The following ZNF362 variants were observed in gnomAD, a reference collection of about 807,000 sequenced individuals.
ZNF362 encodes the protein rotund homolog.
In ZNF362, 11 loss-of-function variants were observed where a neutral mutation model predicts 42.9. The observed-to-expected ratio is 0.26, with a 90% CI of 0.16 to 0.42. ZNF362 has a LOEUF of 0.42. Among genes scored for constraint, ZNF362 ranks in the 20% least tolerant of loss-of-function variants. The pLI, the probability that ZNF362 is intolerant of heterozygous loss-of-function variation, is 1.00. For synonymous variants in ZNF362, 255 were observed against 257.3 expected (o/e 0.99, Z 0.09); for missense variants, 362 against 576.2 (o/e 0.63, Z 3.81).
At chr1:33,186,805 CAAAA>C in the ZNF362 span, among the ~76,000 whole-genome samples, 1 of 434 alleles carries the variant, frequency 2.3e-3, no homozygotes, top group African/African-American at 4.5e-3. Flanking sequence ...GACTCCGTCT[CAAAA>C]AAAAAAAAAA....
At chr1:33,203,522 A>G in the ZNF362 span, among the ~76,000 whole-genome samples, 1 of 152,114 alleles carries the variant, frequency 6.6e-6, no homozygotes, top group Non-Finnish European at 1.5e-5. Context: ...TAGTACTTCT[A>G]TTTTTAATTT....
the ZNF362 span, chr1:33,145,786 C>T: frequency 4.4e-6 from 2 of 458,464 alleles, no homozygotes; most frequent in African/African-American, 2.0e-5. Context: ...CCACCCTCTC[C>T]CGAGTTCTTC....
chr1:33,193,880 C>T, the ZNF362 span, among the ~76,000 whole-genome samples: 2 of 152,152 alleles, frequency 1.3e-5, no homozygotes, highest in Admixed American at 1.3e-4. Context: ...GTACTAACAG[C>T]TTGAGGTAGT....
At chr1:33,295,083 C>T in intron 7 of ZNF362, 64 bp from the exon 8 acceptor site, 20 of 1,611,962 alleles carry the variant, frequency 1.2e-5, no homozygotes, top group Non-Finnish European at 1.7e-5. Context: ...CACAAGGAAG[C>T]GTAGGAAGGG....
chr1:33,134,364 G>T, the ZNF362 span, among the ~76,000 whole-genome samples: 67 of 152,380 alleles, frequency 4.4e-4, 1 homozygote, highest in African/African-American at 1.6e-3. Flanking sequence ...GCAGGGCCAA[G>T]AATTAAGTGC....
chr1:33,258,534 A>C (rs1379994877), intron 1 of ZNF362, among the ~76,000 whole-genome samples: 2 of 152,106 alleles, frequency 1.3e-5, no homozygotes, highest in Non-Finnish European at 2.9e-5. Context: ...GGAGGAACTG[A>C]GGTCCAGAGA....
chr1:33,221,707 T>A, the ZNF362 span, among the ~76,000 whole-genome samples: 1 of 152,178 alleles, frequency 6.6e-6, no homozygotes, highest in South Asian at 2.1e-4. Flanking sequence ...GACAATTCAT[T>A]TTTCATTTCA....
At chr1:33,221,103 C>T in the ZNF362 span, among the ~76,000 whole-genome samples, 875 of 152,250 alleles carry the variant, frequency 5.7e-3, 9 homozygotes, top group African/African-American at 0.019. Flanking sequence ...GGCGGGGTGC[C>T]GACCATCAGC....
At chr1:33,189,672 T>TATATATAC in the ZNF362 span, among the ~76,000 whole-genome samples, 1 of 10,412 alleles carries the variant, frequency 9.6e-5, no homozygotes, top group Non-Finnish European at 3.1e-4. Context: ...TATATATATA[T>TATATATAC]GTATATATAT....
chr1:33,294,976 T>C lies in ZNF362; in HGVS notation c.948T>C (p.Pro316=), dbSNP rs1275797925. 1 of 1,614,002 alleles carries C rather than the reference T, an allele frequency of 6.2e-7. No homozygotes were observed. The highest frequency in any genetic ancestry group is 8.5e-7 in the Non-Finnish European group (1 of 1,179,996). The change falls in exon 7 of 9, where the codon CCT becomes CCC. Residue 316 remains proline, a synonymous_variant. Transcript: ENST00000539719. This position sits in a 1 kb window ranked among gnomAD's most constrained non-coding sequence, Gnocchi z 4.2. The part of the protein sequence containing the change: ...TGDRPYKCPH[P]GCEKAFTQLS... ...ACAGACCCTACAAGTGCCCACATCC[T>C]GGCTGCGAGAAGGCTTTCACTCAGC...
chr1:33,158,477 T>C, the ZNF362 span: 1 of 802,232 alleles, frequency 1.2e-6, no homozygotes, highest in Non-Finnish European at 2.1e-6. Flanking sequence ...TGGTCATGAG[T>C]GAGAAGTCTG....
chr1:33,245,051 T>C, the ZNF362 span, among the ~76,000 whole-genome samples: 12 of 152,282 alleles, frequency 7.9e-5, no homozygotes, highest in South Asian at 2.1e-3. Context: ...CCAGGACTCC[T>C]GGGAATTTGA....
the ZNF362 span, chr1:33,165,380 A>AGGCCCCGCCCCTCTTCCCCAGCT: frequency 8.2e-7 from 1 of 1,216,980 alleles, no homozygotes; most frequent in Non-Finnish European, 1.1e-6. This position sits in a 1 kb window ranked among gnomAD's most constrained non-coding sequence, Gnocchi z 4.0. Context: ...CGCACACCCG[A>AGGCCCCGCCCCTCTTCCCCAGCT]GGCCCCGCCC....
the ZNF362 span, among the ~76,000 whole-genome samples, chr1:33,133,522 C>T: frequency 6.6e-6 from 1 of 152,194 alleles, no homozygotes. Flanking sequence ...GCACGTTTTC[C>T]ATTTATACAG....
At chr1:33,205,135 T>TTGTG in the ZNF362 span, among the ~76,000 whole-genome samples, 12 of 151,134 alleles carry the variant, frequency 7.9e-5, no homozygotes, top group Admixed American at 3.3e-4. Context: ...CTGTGTGTTT[T>TTGTG]TGTGTGTGTG....
At chr1:33,265,188 A>G (rs1347494137) in intron 1 of ZNF362, among the ~76,000 whole-genome samples, 2 of 151,812 alleles carry the variant, frequency 1.3e-5, no homozygotes, top group Non-Finnish European at 2.9e-5. Context: ...CCTGTAGAAC[A>G]TTCTCTCAGA....
the ZNF362 span, among the ~76,000 whole-genome samples, chr1:33,157,342 G>A: frequency 1.3e-5 from 2 of 152,060 alleles, no homozygotes; most frequent in Non-Finnish European, 2.9e-5. Context: ...TGCACTTGCT[G>A]TCCCCATGCC....
chr1:33,224,524 T>C, the ZNF362 span, among the ~76,000 whole-genome samples: 1 of 152,298 alleles, frequency 6.6e-6, no homozygotes, highest in South Asian at 2.1e-4. Context: ...GGATCTATAA[T>C]TGCAAGAGAT....
intron 6 of ZNF362, among the ~76,000 whole-genome samples, chr1:33,290,157 C>T (rs1242259066): frequency 6.6e-6 from 1 of 152,088 alleles, no homozygotes; most frequent in African/African-American, 2.4e-5. Flanking sequence ...AGGTTTGTTA[C>T]ATATGTATAC....
Sources: gnomAD v4.1 joint callset for allele counts (sites outside exome capture counted in the v4.1 genomes callset) on GRCh38, gnomAD v4.1.1 for gene constraint, Gnocchi (gnomAD v3.1) non-coding constraint, MANE v1.5 for transcripts, NCBI Gene and HGNC (gene_info 2026-07-23, HGNC 2026-07-21) for gene names.